The following NXPE4 variants were observed in gnomAD, a reference collection of about 807,000 sequenced individuals.
NXPE4 encodes NXPE family member 4.
A neutral mutation model predicts 33.3 loss-of-function variants in NXPE4; 42 were observed. That is an observed-to-expected ratio of 1.26 (90% CI 0.98 to 1.63). NXPE4 has a LOEUF of 1.63. Among genes scored for constraint, NXPE4 ranks in the 40% most tolerant of loss-of-function variants. The pLI, the probability that NXPE4 is intolerant of heterozygous loss-of-function variation, is 0.00. For synonymous variants in NXPE4, 253 were observed against 234.9 expected, an observed-to-expected ratio of 1.08 and a Z score of -0.71; for missense variants, 709 against 647.6, an observed-to-expected ratio of 1.09 and a Z score of -1.03.
chr11:114,585,545 GTAA>G (rs971835398), intron 2 of NXPE4, among the ~76,000 whole-genome samples: 5 of 151,940 alleles, frequency 3.3e-5, no homozygotes, highest in African/African-American at 4.8e-5. Flanking sequence ...AGGTCATTAT[GTAA>G]TAATAAAGAG....
At chr11:114,571,511 T>C (rs774185952) in intron 5 of NXPE4, 38 bp from the exon 6 acceptor site, 9 of 1,524,744 alleles carry the variant, frequency 5.9e-6, no homozygotes, top group Non-Finnish European at 7.1e-6. Flanking sequence ...AAAAGGAGGA[T>C]ATAGTTACCA....
At chr11:114,606,656 G>A in the NXPE4 span, among the ~76,000 whole-genome samples, 1 of 151,994 alleles carries the variant, frequency 6.6e-6, no homozygotes, top group African/African-American at 2.4e-5. Context: ...GTGTTACTCG[G>A]TGGATAGTAA....
At chr11:114,585,502 A>G (rs1949271211) in intron 2 of NXPE4, among the ~76,000 whole-genome samples, 1 of 152,094 alleles carries the variant, frequency 6.6e-6, no homozygotes, top group South Asian at 2.1e-4. Flanking sequence ...GATAAATTGG[A>G]TTTAAGTCAA....
At chr11:114,670,838 G>A in the NXPE4 span, among the ~76,000 whole-genome samples, 1 of 151,564 alleles carries the variant, frequency 6.6e-6, no homozygotes, top group Non-Finnish European at 1.5e-5. Flanking sequence ...AGAAACAGGA[G>A]AGAATGACTC....
In NXPE4 at chr11:114,570,627, C is replaced by T. The variant is rs1948864708; in HGVS notation, c.*311G>A. ...AATTTTTATTTTAAAATTACTTTAT[C>T]ACTCTGAGTTTTCATGCATCAGAGA... On this transcript the variant is annotated 3_prime_UTR_variant, in exon 6 of 6. Transcript: ENST00000375478. 1 of 195,186 alleles carries T rather than the reference C, an allele frequency of 5.1e-6. No individual in the cohort carries two copies. The highest frequency in any genetic ancestry group is 1.0e-5 in the Non-Finnish European group (1 of 97,032). The allele number at this position is 195,186 out of a possible 1,614,324, so 12.1% of individuals were successfully genotyped here. A position where few individuals can be genotyped will look rare whatever the true frequency, so the allele number is the denominator to read the frequency against.
chr11:114,604,536 G>A, the NXPE4 span, among the ~76,000 whole-genome samples: 24 of 151,996 alleles, frequency 1.6e-4, no homozygotes, highest in African/African-American at 5.5e-4. Context: ...TAAATAATAA[G>A]TATTTCCTTG....
At chr11:114,578,117 G>A (rs1949057760) in intron 5 of NXPE4, among the ~76,000 whole-genome samples, 1 of 152,188 alleles carries the variant, frequency 6.6e-6, no homozygotes, top group Non-Finnish European at 1.5e-5. Context: ...AATGTTCAGA[G>A]GAGGATTATT....
At chr11:114,666,597 T>C in the NXPE4 span, among the ~76,000 whole-genome samples, 3 of 152,176 alleles carry the variant, frequency 2.0e-5, no homozygotes, top group African/African-American at 4.8e-5. Flanking sequence ...GTTCTATCTG[T>C]TGATTAATAG....
the NXPE4 span, among the ~76,000 whole-genome samples, chr11:114,645,099 C>G: frequency 1.3e-5 from 2 of 151,684 alleles, no homozygotes; most frequent in East Asian, 1.9e-4. Flanking sequence ...GTCAGGAGTT[C>G]AAAACCAGCC....
chr11:114,627,144 G>A, the NXPE4 span, among the ~76,000 whole-genome samples: 16 of 151,958 alleles, frequency 1.1e-4, no homozygotes, highest in East Asian at 5.8e-4. Context: ...GCAGGCCAAC[G>A]TTCAGATTCA....
At chr11:114,621,697 T>C in the NXPE4 span, among the ~76,000 whole-genome samples, 1 of 152,164 alleles carries the variant, frequency 6.6e-6, no homozygotes, top group Non-Finnish European at 1.5e-5. Flanking sequence ...TGGTAACCAC[T>C]GTTACTCAGT....
At chr11:114,615,981 G>A in the NXPE4 span, among the ~76,000 whole-genome samples, 204 of 150,780 alleles carry the variant, frequency 1.4e-3, 4 homozygotes, top group Middle Eastern at 6.9e-3. Context: ...GTATTCTCTC[G>A]TGGAAAAGCA....
chr11:114,582,459 C>T lies in NXPE4; in HGVS notation c.659G>A (p.Gly220Asp). 1 of 1,614,156 alleles carries T rather than the reference C, an allele frequency of 6.2e-7. No homozygotes were observed. Among genetic ancestry groups the T allele is most frequent in the Non-Finnish European group, 8.5e-7 (1 of 1,180,008 alleles). Residue 220 changes from glycine to aspartate, a missense_variant, in exon 3 of 6, where the codon GGC becomes GAC. Physicochemically the swap from Gly to Asp is moderately conservative, Grantham distance 94 (BLOSUM62 -1). Transcript: ENST00000375478. ...NGTSQVHSEC[G>D]LILNTNAELC... ...TTCAGCATTTGTGTTTAGGATCAGG[C>T]CACATTCAGAGTGGACTTGGGAAGT...
At chr11:114,632,125 A>C in the NXPE4 span, among the ~76,000 whole-genome samples, 9 of 144,234 alleles carry the variant, frequency 6.2e-5, no homozygotes, top group Non-Finnish European at 1.4e-4. Flanking sequence ...ATATATTATA[A>C]TAAAATATAT....
At chr11:114,661,970 G>C in the NXPE4 span, among the ~76,000 whole-genome samples, 1 of 152,126 alleles carries the variant, frequency 6.6e-6, no homozygotes, top group Non-Finnish European at 1.5e-5. Flanking sequence ...ACCTGTAGGA[G>C]GTGGGGTAAG....
upstream of NXPE4, among the ~76,000 whole-genome samples, chr11:114,599,413 A>G (rs1949613413): frequency 6.6e-6 from 1 of 152,020 alleles, no homozygotes; most frequent in South Asian, 2.1e-4. Context: ...TGGGCCCTCC[A>G]CCCTCTGCCT....
chr11:114,638,554 T>C, the NXPE4 span, among the ~76,000 whole-genome samples: 3 of 151,898 alleles, frequency 2.0e-5, no homozygotes, highest in Non-Finnish European at 2.9e-5. Context: ...CTTTTTAGAG[T>C]TTCCCGTTTT....
chr11:114,631,605 A>C, the NXPE4 span, among the ~76,000 whole-genome samples: 3 of 151,882 alleles, frequency 2.0e-5, no homozygotes, highest in Non-Finnish European at 4.4e-5. Context: ...GCGCACCAGC[A>C]TGGCACATGT....
upstream of NXPE4, among the ~76,000 whole-genome samples, chr11:114,600,739 T>C (rs1949628523): frequency 6.6e-6 from 1 of 152,098 alleles, no homozygotes; most frequent in Admixed American, 6.6e-5. Context: ...ATTTCACTGA[T>C]AGTTACTAGT....
Sources: allele counts gnomAD v4.1 joint callset (sites outside exome capture counted in the v4.1 genomes callset), GRCh38; gene constraint gnomAD v4.1.1; transcripts MANE v1.5; gene names NCBI Gene and HGNC (gene_info 2026-07-23, HGNC 2026-07-21).